The following LDAH variants were observed in gnomAD, a reference collection of about 807,000 sequenced individuals.
The protein encoded by LDAH is lipid droplet-associated hydrolase.
In LDAH, 26 loss-of-function variants were observed where a neutral mutation model predicts 29.6. The ratio of observed to expected loss-of-function variants is 0.88; its 90% CI spans 0.64 to 1.22. The LOEUF (loss-of-function observed/expected upper bound fraction) is 1.22, where lower values mean the gene tolerates loss of function less well. LDAH is among the 50% of genes most tolerant of loss of function. LDAH has a pLI of 0.00. For synonymous variants in LDAH, 117 were observed against 133.0 expected, an observed-to-expected ratio of 0.88 and a Z score of 0.83; for missense variants, 344 against 387.3, an observed-to-expected ratio of 0.89 and a Z score of 0.94.
intron 6 of LDAH, among the ~76,000 whole-genome samples, chr2:20,695,747 G>A (rs934712434): frequency 2.6e-5 from 4 of 151,992 alleles, no homozygotes; most frequent in Non-Finnish European, 4.4e-5. Context: ...CGTGCCCGGC[G>A]GAGATACTCT....
At chr2:20,733,399 T>G (rs1217908587) in intron 5 of LDAH, among the ~76,000 whole-genome samples, 2 of 138,606 alleles carry the variant, frequency 1.4e-5, no homozygotes, top group Non-Finnish European at 3.1e-5. Flanking sequence ...GCCTGGCTAT[T>G]TTTTTTTTTT....
At chr2:20,797,194 C>A (rs1671359124) in intron 2 of LDAH, among the ~76,000 whole-genome samples, 1 of 152,132 alleles carries the variant, frequency 6.6e-6, no homozygotes. Context: ...ATAGTTTATT[C>A]CCATTAGTGG....
chr2:20,691,363 G>A (rs1663009107), intron 6 of LDAH, among the ~76,000 whole-genome samples: 1 of 151,650 alleles, frequency 6.6e-6, no homozygotes. Context: ...TTTTTGTAGA[G>A]ACGAAGTCTC....
At chr2:20,772,660 A>T (rs1233370486) in intron 4 of LDAH, among the ~76,000 whole-genome samples, 1 of 152,194 alleles carries the variant, frequency 6.6e-6, no homozygotes, top group Non-Finnish European at 1.5e-5. Flanking sequence ...ATGGGATGTC[A>T]CTTTGTAACT....
At chr2:20,788,892 C>A in intron 3 of LDAH, 1 of 379,902 alleles carries the variant, frequency 2.6e-6, no homozygotes, top group Non-Finnish European at 4.7e-6. Flanking sequence ...TTTTTTGGAA[C>A]AGTGAACATG....
At chr2:20,818,925 T>G (rs1017186670) in intron 1 of LDAH, among the ~76,000 whole-genome samples, 5 of 152,262 alleles carry the variant, frequency 3.3e-5, no homozygotes, top group Middle Eastern at 3.4e-3. Context: ...AATTTCACAA[T>G]TCTTCTTTTA....
intron 5 of LDAH, among the ~76,000 whole-genome samples, chr2:20,711,384 CAAA>C (rs563372762): frequency 1.9e-5 from 2 of 106,426 alleles, no homozygotes; most frequent in Non-Finnish European, 2.0e-5. Flanking sequence ...GAGTCCGTAT[CAAA>C]AAAAAAAAAA....
chr2:20,781,561 A>T lies in LDAH; in HGVS notation c.299-6582T>A, dbSNP rs1670194885. On this transcript the variant is annotated intron_variant, in intron 3 of 6. Transcript: ENST00000237822. ...CACTATAGCATACATTTGCAAACAT[A>T]ACCTCCAATGTGTACAACAGATGAG... is the stretch of plus-strand genomic sequence containing the variant. Among the ~76,000 whole-genome samples, 3 of 152,348 alleles carry T rather than the reference A, an allele frequency of 2.0e-5. No homozygotes were observed. The South Asian group carries it at 6.2e-4, about 32-fold the overall frequency.
intron 4 of LDAH, among the ~76,000 whole-genome samples, chr2:20,757,914 CTACAAT>C (rs1310866648): frequency 6.6e-6 from 1 of 152,048 alleles, no homozygotes; most frequent in Non-Finnish European, 1.5e-5. Flanking sequence ...TGGACTGAAA[CTACAAT>C]TACATCATTG....
At chr2:20,710,220 G>T (rs1664615243) in intron 5 of LDAH, among the ~76,000 whole-genome samples, 2 of 152,074 alleles carry the variant, frequency 1.3e-5, no homozygotes. Context: ...AAGATATTAA[G>T]ATATTACAAA....
At chr2:20,755,067 G>A (rs1413723849) in intron 4 of LDAH, among the ~76,000 whole-genome samples, 1 of 151,934 alleles carries the variant, frequency 6.6e-6, no homozygotes, top group East Asian at 1.9e-4. Flanking sequence ...TTAGGGATAA[G>A]GGGCAATAAT....
chr2:20,795,772 G>C (rs2125088985), intron 2 of LDAH, among the ~76,000 whole-genome samples: 1 of 152,182 alleles, frequency 6.6e-6, no homozygotes, highest in East Asian at 1.9e-4. Context: ...TACTAACTTA[G>C]AAGTGAAGAA....
intron 5 of LDAH, among the ~76,000 whole-genome samples, chr2:20,713,066 C>A (rs1341265902): frequency 6.6e-6 from 1 of 152,178 alleles, no homozygotes; most frequent in African/African-American, 2.4e-5. Flanking sequence ...TCGAGAAGAG[C>A]AACCCCAAGA....
intron 4 of LDAH, among the ~76,000 whole-genome samples, chr2:20,756,435 T>A (rs1016320339): frequency 1.3e-5 from 2 of 151,880 alleles, no homozygotes; most frequent in Non-Finnish European, 2.9e-5. Context: ...TTTAAAAGCA[T>A]GAAGAAAGGA....
At position 20,782,711 on chromosome 2, in the gene LDAH, C is replaced by G. The variant is rs116277972; in HGVS notation, c.298+7544G>C. 4.2e-3 allele frequency among the ~76,000 whole-genome samples: 633 copies of G among 152,158 alleles called. 7 individuals are homozygous for G. Among genetic ancestry groups the G allele is most frequent in the African/African-American group, 0.014 (583 of 41,482 alleles). On this transcript the variant is annotated intron_variant, in intron 3 of 6. Transcript: ENST00000237822. ...TACTTGTAATTTGCGTCTTCTCTTT[C>G]TCCCCCCTTGGTTAGCCTGGCTACA...
chr2:20,788,945 T>C, intron 3 of LDAH: 1 of 537,938 alleles, frequency 1.9e-6, no homozygotes, highest in Non-Finnish European at 3.2e-6. Context: ...TGCATCTCCA[T>C]GGTATTACTT....
chr2:20,709,690 T>G (rs564713969), intron 5 of LDAH, among the ~76,000 whole-genome samples: 182 of 152,282 alleles, frequency 1.2e-3, no homozygotes, highest in Non-Finnish European at 2.1e-3. Flanking sequence ...ACAAAAAACT[T>G]GTACATGAGT....
chr2:20,772,818 C>T (rs1187889937), intron 4 of LDAH, among the ~76,000 whole-genome samples: 1 of 152,208 alleles, frequency 6.6e-6, no homozygotes, highest in Non-Finnish European at 1.5e-5. Flanking sequence ...TGAAGGCTCT[C>T]TGTCCAACAA....
At chr2:20,737,403 G>A (rs1445418180) in intron 5 of LDAH, among the ~76,000 whole-genome samples, 1 of 152,054 alleles carries the variant, frequency 6.6e-6, no homozygotes, top group Non-Finnish European at 1.5e-5. Context: ...ATTCTACAAG[G>A]CAAAAAGAAA....
Sources: allele counts gnomAD v4.1 joint callset (sites outside exome capture counted in the v4.1 genomes callset), GRCh38; gene constraint gnomAD v4.1.1; transcripts MANE v1.5; gene names NCBI Gene and HGNC (gene_info 2026-07-23, HGNC 2026-07-21).